TOM1L2: variants seen among roughly 807,000 people sequenced by gnomAD.
The protein encoded by TOM1L2 is target of myb1 like 2 membrane trafficking protein.
A neutral mutation model predicts 67.9 loss-of-function variants in TOM1L2; 31 were observed. The ratio of observed to expected loss-of-function variants is 0.46; its 90% CI spans 0.34 to 0.62. The LOEUF is 0.62. Ranked by LOEUF, TOM1L2 falls within the 20% of genes least tolerant of loss-of-function variation. The pLI is 0.01. For synonymous variants in TOM1L2, 256 were observed against 254.0 expected, an observed-to-expected ratio of 1.01 and a Z score of -0.07; for missense variants, 606 against 663.5, an observed-to-expected ratio of 0.91 and a Z score of 0.95.
chr17:17,881,396 C>T (rs577199124), intron 6 of TOM1L2, among the ~76,000 whole-genome samples: 3 of 152,272 alleles, frequency 2.0e-5, no homozygotes, highest in Non-Finnish European at 2.9e-5. Flanking sequence ...GCTACCTATG[C>T]CCAGACCCTG....
chr17:17,934,645 G>A (rs1167846912), intron 1 of TOM1L2, among the ~76,000 whole-genome samples: 1 of 152,102 alleles, frequency 6.6e-6, no homozygotes, highest in Non-Finnish European at 1.5e-5. Flanking sequence ...TTTGTAACAA[G>A]ATTTATGATT....
chr17:17,956,588 C>T (rs561784035), intron 1 of TOM1L2, among the ~76,000 whole-genome samples: 24 of 152,318 alleles, frequency 1.6e-4, no homozygotes, highest in Middle Eastern at 3.4e-3. Context: ...TAGGAGCCCA[C>T]GGCAGGGAGG....
At chr17:17,882,985 C>A (rs2037810410) in intron 5 of TOM1L2, 122 bp from the exon 6 acceptor site, 1 of 1,174,028 alleles carries the variant, frequency 8.5e-7, no homozygotes. Context: ...AGGCCCTGCT[C>A]CACTGCTGCC....
At chr17:17,893,979 T>C (rs1283851089) in intron 3 of TOM1L2, among the ~76,000 whole-genome samples, 169 bp from the exon 4 acceptor site, 1 of 152,110 alleles carries the variant, frequency 6.6e-6, no homozygotes, top group Non-Finnish European at 1.5e-5. Context: ...ATTCCCACAC[T>C]CCATTCTCCA....
At chr17:17,942,461 A>G (rs2040773619) in intron 1 of TOM1L2, among the ~76,000 whole-genome samples, 1 of 152,236 alleles carries the variant, frequency 6.6e-6, no homozygotes, top group Non-Finnish European at 1.5e-5. Flanking sequence ...TCGCAGGATT[A>G]CTATACTAAC....
intron 1 of TOM1L2, among the ~76,000 whole-genome samples, chr17:17,971,542 G>T (rs1007979266): frequency 2.1e-4 from 32 of 152,264 alleles, no homozygotes; most frequent in Middle Eastern, 3.4e-3. Context: ...TCCCGGAGCA[G>T]GGGGCATTTC....
chr17:17,854,087 C>T (rs567021981), intron 12 of TOM1L2, among the ~76,000 whole-genome samples: 14 of 152,314 alleles, frequency 9.2e-5, no homozygotes, highest in Middle Eastern at 6.8e-3. Context: ...GCTTATATAA[C>T]GTAAGCTTAA....
At chr17:17,864,591 A>G (rs946556592) in intron 10 of TOM1L2, among the ~76,000 whole-genome samples, 26 of 150,954 alleles carry the variant, frequency 1.7e-4, no homozygotes, top group Admixed American at 1.5e-3. Context: ...GGCTCACTGC[A>G]ACCTCCGCCT....
chr17:17,912,307 G>C (rs1313876483), intron 1 of TOM1L2, among the ~76,000 whole-genome samples: 8 of 151,986 alleles, frequency 5.3e-5, no homozygotes, highest in Non-Finnish European at 1.0e-4. Flanking sequence ...CTCCCTCCCG[G>C]ACGGGGTGGC....
intron 1 of TOM1L2, among the ~76,000 whole-genome samples, chr17:17,928,516 G>A (rs878930107): frequency 2.0e-5 from 3 of 152,316 alleles, no homozygotes; most frequent in East Asian, 1.9e-4. Flanking sequence ...GAACACAGAA[G>A]GCGACACCCT....
At chr17:17,893,879 C>G in intron 3 of TOM1L2, 69 bp from the exon 4 acceptor site, 1 of 1,509,822 alleles carries the variant, frequency 6.6e-7, no homozygotes, top group Non-Finnish European at 9.0e-7. Context: ...AACTGAGGAG[C>G]GCAGCTGAGT....
At chr17:17,881,682 C>T (rs575731299) in intron 6 of TOM1L2, among the ~76,000 whole-genome samples, 24 of 152,224 alleles carry the variant, frequency 1.6e-4, no homozygotes, top group Admixed American at 3.9e-4. Context: ...GATGGGAGAC[C>T]GGGGTTAAAT....
At chr17:17,905,329 C>T (rs1477386947) in intron 2 of TOM1L2, among the ~76,000 whole-genome samples, 1 of 152,228 alleles carries the variant, frequency 6.6e-6, no homozygotes, top group Non-Finnish European at 1.5e-5. Flanking sequence ...CTGCTGATCT[C>T]TGCTCCCCAG....
intron 12 of TOM1L2, among the ~76,000 whole-genome samples, chr17:17,854,894 G>A (rs957016994): frequency 8.5e-5 from 13 of 152,120 alleles, no homozygotes; most frequent in Non-Finnish European, 1.6e-4. Flanking sequence ...CTGGTCTGAG[G>A]GATCTGAAGA....
intron 1 of TOM1L2, among the ~76,000 whole-genome samples, chr17:17,951,178 C>T (rs113335514): frequency 2.6e-4 from 39 of 152,306 alleles, no homozygotes; most frequent in African/African-American, 9.1e-4. Flanking sequence ...TACCCACTCC[C>T]TTGCGGGGCT....
intron 7 of TOM1L2, among the ~76,000 whole-genome samples, chr17:17,874,047 C>T (rs1488142786): frequency 1.3e-5 from 2 of 152,170 alleles, no homozygotes; most frequent in South Asian, 2.1e-4. Flanking sequence ...GCTCCGCCTC[C>T]CGGGTTCATG....
At chr17:17,855,754 G>C (rs1460781868) in intron 12 of TOM1L2, among the ~76,000 whole-genome samples, 3 of 152,298 alleles carry the variant, frequency 2.0e-5, no homozygotes, top group South Asian at 4.1e-4. Flanking sequence ...AATTTCTGTA[G>C]CTCAGGTGTA....
chr17:17,937,582 G>C (rs759501836), intron 1 of TOM1L2, among the ~76,000 whole-genome samples: 1 of 152,210 alleles, frequency 6.6e-6, no homozygotes, highest in African/African-American at 2.4e-5. Flanking sequence ...AGGACCCCAA[G>C]TCATGCAGGC....
At chr17:17,940,970 T>C (rs942604842) in intron 1 of TOM1L2, among the ~76,000 whole-genome samples, 2 of 152,206 alleles carry the variant, frequency 1.3e-5, no homozygotes, top group Non-Finnish European at 2.9e-5. Context: ...ACTTGTAAGA[T>C]TTGTACCATT....
Sources: allele counts gnomAD v4.1 joint callset (sites outside exome capture counted in the v4.1 genomes callset), GRCh38; gene constraint gnomAD v4.1.1; transcripts MANE v1.5; gene names NCBI Gene and HGNC (gene_info 2026-07-23, HGNC 2026-07-21).